The following BEND3 variants were observed in gnomAD, a reference collection of about 807,000 sequenced individuals.
The protein encoded by BEND3 is BEN domain containing 3.
In BEND3, 13 loss-of-function variants were observed where a neutral mutation model predicts 60.1. That is an observed-to-expected ratio of 0.22 (90% CI 0.14 to 0.34). The LOEUF (loss-of-function observed/expected upper bound fraction) is 0.34. BEND3 is among the 10% of genes least tolerant of loss of function. The probability of loss-of-function intolerance (pLI) is 1.00; values close to 1 mark genes in which losing one functional copy is unlikely to be tolerated. For missense variants in BEND3, 896 were observed against 1,138.1 expected, an observed-to-expected ratio of 0.79 and a Z score of 3.06; for synonymous variants, 497 against 491.5, an observed-to-expected ratio of 1.01 and a Z score of -0.15.
intron 3 of BEND3, among the ~76,000 whole-genome samples, chr6:107,072,870 C>T (rs1775012470): frequency 6.6e-6 from 1 of 151,936 alleles, no homozygotes; most frequent in Admixed American, 6.6e-5. Flanking sequence ...CACCTGTAGT[C>T]CCAGCTACTC....
intron 3 of BEND3, 148 bp downstream of exon 3, chr6:107,098,403 T>C: frequency 1.3e-6 from 1 of 775,562 alleles, no homozygotes; most frequent in Non-Finnish European, 2.0e-6. Context: ...TTCGAGAAAC[T>C]GAAGCCAGAG....
chr6:107,100,715 T>C (rs1775685870), intron 1 of BEND3, among the ~76,000 whole-genome samples: 1 of 152,164 alleles, frequency 6.6e-6, no homozygotes, highest in Admixed American at 6.6e-5. Flanking sequence ...GTCTCTGATA[T>C]CTCCGAATAC....
At chr6:107,084,585 CTG>C (rs1279361321) in intron 3 of BEND3, among the ~76,000 whole-genome samples, 1 of 150,646 alleles carries the variant, frequency 6.6e-6, no homozygotes, top group African/African-American at 2.4e-5. Context: ...AATCAGCACT[CTG>C]TGTCTAGCTA....
intron 3 of BEND3, among the ~76,000 whole-genome samples, chr6:107,083,326 T>C (rs782272116): frequency 1.3e-5 from 2 of 152,130 alleles, no homozygotes; most frequent in Non-Finnish European, 2.9e-5. Flanking sequence ...TATTCGTTTA[T>C]TAAAAATTAT....
At position 107,105,265 on chromosome 6, in the gene BEND3, G is replaced by A. The variant is rs192207128; in HGVS notation, c.-11-5969C>T. Among the ~76,000 whole-genome samples, 502 of 152,020 alleles carry A rather than the reference G, an allele frequency of 3.3e-3. 3 individuals are homozygous for A. Among genetic ancestry groups the A allele is most frequent in the African/African-American group, 0.012 (482 of 41,484 alleles). ...ACCCACCTGTAGTCCCAGCTACTCCGGAGGCTGAGGCAGGAGAATCGCTTG... is the reference window on the plus strand; with the variant it reads ...ACCCACCTGTAGTCCCAGCTACTCCAGAGGCTGAGGCAGGAGAATCGCTTG... On this transcript the variant is annotated intron_variant, in intron 1 of 3. Transcript: ENST00000369042.
intron 3 of BEND3, among the ~76,000 whole-genome samples, chr6:107,087,791 ACTTTT>A (rs1775386002): frequency 8.5e-6 from 1 of 117,644 alleles, no homozygotes; most frequent in Non-Finnish European, 1.7e-5. Context: ...AAATGAAAAT[ACTTTT>A]TTTTTTTTTT....
At chr6:107,073,025 T>C (rs965582336) in intron 3 of BEND3, among the ~76,000 whole-genome samples, 60 of 151,306 alleles carry the variant, frequency 4.0e-4, no homozygotes, top group Admixed American at 2.4e-3. Context: ...ACTCTCTCTT[T>C]TGGATAATAG....
intron 3 of BEND3, among the ~76,000 whole-genome samples, chr6:107,084,293 G>C (rs1328409374): frequency 6.6e-6 from 1 of 152,228 alleles, no homozygotes; most frequent in Non-Finnish European, 1.5e-5. Flanking sequence ...AAATCTCCAA[G>C]GTTACCCAAT....
chr6:107,115,429 C>CGGCGCTCGGGCGTGAACGGCCGCGGCGG lies in BEND3; in HGVS notation c.-379_-352dup. ...GGGGCACACGCGGGACCGGCGGCGG[C>CGGCGCTCGGGCGTGAACGGCCGCGGCGG]GGCGCTCGGGCGTGAACGGCCGCGG... On this transcript the variant is annotated 5_prime_UTR_variant, in exon 1 of 4. Coordinates refer to ENST00000369042, the MANE Select transcript of BEND3 (RefSeq NM_001367314.1). Among the ~76,000 whole-genome samples, 1 of 148,382 alleles carries CGGCGCTCGGGCGTGAACGGCCGCGGCGG rather than the reference C, an allele frequency of 6.7e-6. No homozygotes were observed. The highest frequency in any genetic ancestry group is 2.4e-5 in the African/African-American group (1 of 41,138).
chr6:107,089,887 G>A (rs1049623370), intron 3 of BEND3, among the ~76,000 whole-genome samples: 13 of 151,470 alleles, frequency 8.6e-5, no homozygotes, highest in Non-Finnish European at 1.8e-4. Flanking sequence ...GAGCCACTGC[G>A]CCTGGCCACC....
In BEND3 at chr6:107,069,344, T is replaced by C. The variant is rs1554231427; in HGVS notation, c.1847A>G (p.His616Arg). Reference sequence around the variant, plus strand: ...GCGTGGGTAGAGCAGCTGCACGTAGTGGCGGATGAGCTTGATGCGGGAGGG... The same window carrying C: ...GCGTGGGTAGAGCAGCTGCACGTAGCGGCGGATGAGCTTGATGCGGGAGGG... Reference protein sequence around the residue: ...LDPSRIKLIRHYVQLLYPRAK... With the variant: ...LDPSRIKLIRRYVQLLYPRAK... The change falls in exon 4 of 4, where the codon CAC (histidine) becomes CGC (arginine). Residue 616 changes from histidine to arginine, a missense_variant. Physicochemically the swap from His to Arg is conservative, Grantham distance 29. This residue lies in a region of BEND3 where 846 missense variants were observed against 1,036.7 expected (regional missense o/e 0.82). Coordinates refer to ENST00000369042, the MANE Select transcript of BEND3 (RefSeq NM_001367314.1). 1 of 1,612,890 alleles carries C rather than the reference T, an allele frequency of 6.2e-7. No homozygotes were observed. Among genetic ancestry groups the C allele is most frequent in the Non-Finnish European group, 8.5e-7 (1 of 1,179,790 alleles).
intron 3 of BEND3, among the ~76,000 whole-genome samples, chr6:107,076,036 G>A (rs1775093307): frequency 6.6e-6 from 1 of 152,196 alleles, no homozygotes; most frequent in African/African-American, 2.4e-5. Flanking sequence ...TAGTGTCCCA[G>A]TAGAGGGCAA....
intron 1 of BEND3, among the ~76,000 whole-genome samples, chr6:107,103,959 A>AGAAAG (rs1297214593): frequency 9.3e-6 from 1 of 107,838 alleles, no homozygotes; most frequent in Non-Finnish European, 1.9e-5. Flanking sequence ...AAAAAAAAAA[A>AGAAAG]AAAGAAAGAA....
chr6:107,104,722 G>A (rs1775777389), intron 1 of BEND3, among the ~76,000 whole-genome samples: 1 of 151,130 alleles, frequency 6.6e-6, no homozygotes, highest in Admixed American at 6.6e-5. Flanking sequence ...AGGCTGCAGT[G>A]CAGTGGTATG....
intron 3 of BEND3, among the ~76,000 whole-genome samples, chr6:107,097,539 C>A (rs1280588640): frequency 2.6e-5 from 4 of 151,734 alleles, no homozygotes; most frequent in Non-Finnish European, 5.9e-5. Context: ...ACCTGTAATC[C>A]CAGCACTTTG....
At chr6:107,079,586 G>A (rs1156765028) in intron 3 of BEND3, among the ~76,000 whole-genome samples, 3 of 152,172 alleles carry the variant, frequency 2.0e-5, no homozygotes, top group Non-Finnish European at 2.9e-5. Flanking sequence ...AGAGGTTTGA[G>A]CAGTGGGGCA....
At chr6:107,084,761 T>C (rs1381147835) in intron 3 of BEND3, among the ~76,000 whole-genome samples, 2 of 152,152 alleles carry the variant, frequency 1.3e-5, no homozygotes, top group Non-Finnish European at 2.9e-5. Flanking sequence ...CAGCGCTCTG[T>C]AAAAACGTAC....
chr6:107,114,789 G>A (rs1554239043), intron 1 of BEND3, among the ~76,000 whole-genome samples: 2 of 146,490 alleles, frequency 1.4e-5, no homozygotes, highest in East Asian at 2.0e-4. Context: ...CCGCCCCCGC[G>A]CGGCGCGCGT....
chr6:107,072,059 C>T (rs1456304341), intron 3 of BEND3, among the ~76,000 whole-genome samples: 5 of 152,142 alleles, frequency 3.3e-5, no homozygotes, highest in Non-Finnish European at 4.4e-5. Context: ...ATGTTGAATT[C>T]GACCCAGATA....
Sources: allele counts gnomAD v4.1 joint callset (sites outside exome capture counted in the v4.1 genomes callset), GRCh38; gene constraint gnomAD v4.1.1; regional missense constraint gnomAD v4.1.1; transcripts MANE v1.5; gene names NCBI Gene and HGNC (gene_info 2026-07-23, HGNC 2026-07-21).